DPP6: variants seen among roughly 807,000 people sequenced by gnomAD.
DPP6 encodes A-type potassium channel modulatory protein DPP6.
DPP6 carries 69 observed loss-of-function variants against 122.6 expected under a neutral mutation model. The ratio of observed to expected loss-of-function variants is 0.56; its 90% CI spans 0.46 to 0.69. DPP6 has a LOEUF of 0.69. Among genes scored for constraint, DPP6 ranks in the 30% least tolerant of loss-of-function variants. DPP6 has a pLI of 0.00. For missense variants in DPP6, 928 were observed against 1,116.9 expected (o/e 0.83, Z 2.41); for synonymous variants, 418 against 433.1 (o/e 0.97, Z 0.43).
At chr7:154,228,391 C>T (rs1260283226) in intron 1 of DPP6, among the ~76,000 whole-genome samples, 1 of 152,134 alleles carries the variant, frequency 6.6e-6, no homozygotes, top group African/African-American at 2.4e-5. Context: ...ATTTATTTCA[C>T]CCCAGCCACA....
intron 8 of DPP6, among the ~76,000 whole-genome samples, chr7:154,751,753 G>A (rs978321179): frequency 5.3e-5 from 8 of 152,108 alleles, no homozygotes; most frequent in African/African-American, 1.9e-4. Context: ...CTAGAGCAGC[G>A]CCCCCGAGGC....
At chr7:154,852,165 T>C (rs1361450111) in intron 16 of DPP6, among the ~76,000 whole-genome samples, 1 of 152,146 alleles carries the variant, frequency 6.6e-6, no homozygotes, top group Non-Finnish European at 1.5e-5. Flanking sequence ...CATAGCAGAT[T>C]CCCTAGCTTT....
At chr7:154,709,338 C>G (rs1841021127) in intron 7 of DPP6, among the ~76,000 whole-genome samples, 1 of 150,876 alleles carries the variant, frequency 6.6e-6, no homozygotes, top group Non-Finnish European at 1.5e-5. Context: ...TGCTATGACA[C>G]TCAGCTAATT....
At chr7:154,257,541 CA>C (rs1563377638) in intron 1 of DPP6, among the ~76,000 whole-genome samples, 2 of 151,820 alleles carry the variant, frequency 1.3e-5, no homozygotes, top group Admixed American at 6.6e-5. Flanking sequence ...CTAAAAAATA[CA>C]AAAAAATTAG....
At chr7:153,840,967 T>A in the DPP6 span, among the ~76,000 whole-genome samples, 1 of 152,212 alleles carries the variant, frequency 6.6e-6, no homozygotes, top group South Asian at 2.1e-4. Context: ...TGTGTCCAGT[T>A]CATTTGTGAA....
chr7:153,888,440 C>G (rs1391959102), intron 1 of DPP6, among the ~76,000 whole-genome samples: 2 of 152,138 alleles, frequency 1.3e-5, no homozygotes, highest in East Asian at 3.9e-4. Context: ...GTGGAGGACC[C>G]GGCGATCCGC....
chr7:153,843,024 GCA>G, the DPP6 span, among the ~76,000 whole-genome samples: 7,150 of 152,006 alleles, frequency 0.047, 209 homozygotes, highest in Non-Finnish European at 0.072. Flanking sequence ...ACACAAGCAT[GCA>G]CACACACACA....
At chr7:154,348,541 C>G (rs1810583995) in intron 1 of DPP6, among the ~76,000 whole-genome samples, 1 of 152,058 alleles carries the variant, frequency 6.6e-6, no homozygotes, top group African/African-American at 2.4e-5. Flanking sequence ...GAAACAAACC[C>G]AAAGCACGTA....
chr7:153,887,643 C>G, exon 1 of DPP6: 1 of 1,611,970 alleles, frequency 6.2e-7, no homozygotes, highest in Non-Finnish European at 8.5e-7. Context: ...GATTAAGTTT[C>G]TCTTCCCTGG....
chr7:154,129,340 G>C (rs1162472197), intron 1 of DPP6, among the ~76,000 whole-genome samples: 2 of 152,114 alleles, frequency 1.3e-5, no homozygotes, highest in Non-Finnish European at 1.5e-5. Context: ...TTTGCTTATA[G>C]CCAGGAATAG....
At chr7:154,447,497 A>T (rs1348562204) in intron 2 of DPP6, among the ~76,000 whole-genome samples, 2 of 152,192 alleles carry the variant, frequency 1.3e-5, no homozygotes, top group East Asian at 3.9e-4. Flanking sequence ...ATATTATAAT[A>T]TAAAACCTTT....
chr7:154,652,274 T>C (rs980901694), intron 6 of DPP6, among the ~76,000 whole-genome samples: 5 of 152,040 alleles, frequency 3.3e-5, no homozygotes, highest in Admixed American at 6.6e-5. Flanking sequence ...GTTTTTTTTT[T>C]CCTATACTGT....
At chr7:154,871,808 A>G (rs1402550698) in intron 18 of DPP6, among the ~76,000 whole-genome samples, 1 of 152,244 alleles carries the variant, frequency 6.6e-6, no homozygotes, top group Non-Finnish European at 1.5e-5. Context: ...GCTAATTCCA[A>G]TTTAATTGCT....
chr7:154,649,448 A>T (rs1836724651), intron 6 of DPP6, among the ~76,000 whole-genome samples: 1 of 152,198 alleles, frequency 6.6e-6, no homozygotes, highest in African/African-American at 2.4e-5. Flanking sequence ...TAGATTCTAA[A>T]GTGCCCAACT....
Position 154,875,260 on chromosome 7 carries a change from T to C in DPP6, c.1884-646T>C, listed in dbSNP as rs1804753038. Among the ~76,000 whole-genome samples, 1 of 152,268 alleles carries C rather than the reference T, an allele frequency of 6.6e-6. No homozygotes were observed. Among genetic ancestry groups the C allele is most frequent in the East Asian group, 1.9e-4 (1 of 5,174 alleles). ...ATCCCATGGTCCAAATGCCCCACCA[T>C]GGATGCCTTTCAGCCAGCAGTGCTG... On this transcript the variant is annotated intron_variant, in intron 19 of 25. Coordinates refer to ENST00000377770, the MANE Select transcript of DPP6 (RefSeq NM_130797.4). The surrounding 1 kb of genome is among the most constrained non-coding windows in gnomAD (Gnocchi z 4.5).
At chr7:154,000,895 A>C (rs1338162716) in intron 1 of DPP6, among the ~76,000 whole-genome samples, 1 of 152,088 alleles carries the variant, frequency 6.6e-6, no homozygotes, top group African/African-American at 2.4e-5. Flanking sequence ...ACATTGCTAC[A>C]CTGTACTCAG....
chr7:154,101,088 T>C (rs535239548), intron 1 of DPP6, among the ~76,000 whole-genome samples: 2,916 of 130,544 alleles, frequency 0.022, 143 homozygotes, highest in African/African-American at 0.074. Context: ...CAGGTCTTTG[T>C]ATCTAACTGA....
chr7:154,583,457 G>A (rs1438039572), intron 5 of DPP6, among the ~76,000 whole-genome samples: 1 of 152,166 alleles, frequency 6.6e-6, no homozygotes, highest in African/African-American at 2.4e-5. Context: ...GTCCTCAGGT[G>A]CTCAGACTTG....
chr7:154,015,060 G>A (rs915950697), intron 1 of DPP6, among the ~76,000 whole-genome samples: 1 of 152,140 alleles, frequency 6.6e-6, no homozygotes, highest in African/African-American at 2.4e-5. Context: ...TTAATGAAAT[G>A]AGAAAGTAAG....
Sources: allele counts gnomAD v4.1 joint callset (sites outside exome capture counted in the v4.1 genomes callset), GRCh38; gene constraint gnomAD v4.1.1; non-coding constraint Gnocchi (gnomAD v3.1); transcripts MANE v1.5; gene names NCBI Gene and HGNC (gene_info 2026-07-23, HGNC 2026-07-21).